Variants in REDIC1 observed in about 807,000 individuals in gnomAD.
REDIC1 encodes the protein HEI10 Interacting Protein 1.
At chr12:39,704,188 A>T in the REDIC1 span, among the ~76,000 whole-genome samples, 30 of 152,164 alleles carry the variant, frequency 2.0e-4, no homozygotes, top group African/African-American at 6.0e-4. Flanking sequence ...ACAAAGGGCT[A>T]ATATCCAGAA....
At chr12:39,851,149 C>T in the REDIC1 span, among the ~76,000 whole-genome samples, 1 of 152,128 alleles carries the variant, frequency 6.6e-6, no homozygotes, top group Non-Finnish European at 1.5e-5. Context: ...ATCCACCTGC[C>T]TTGGCCTCAC....
the REDIC1 span, among the ~76,000 whole-genome samples, chr12:39,808,212 T>C: frequency 6.6e-6 from 1 of 152,174 alleles, no homozygotes; most frequent in Non-Finnish European, 1.5e-5. Context: ...GTATATATTG[T>C]TTTGTATCTG....
the REDIC1 span, among the ~76,000 whole-genome samples, chr12:39,658,191 C>T: frequency 1.3e-5 from 2 of 152,014 alleles, no homozygotes. Context: ...AGTGATTCTC[C>T]TGCCTCAGCC....
chr12:39,699,487 CTG>C, the REDIC1 span, among the ~76,000 whole-genome samples: 1 of 152,224 alleles, frequency 6.6e-6, no homozygotes, highest in Non-Finnish European at 1.5e-5. Context: ...GCACAGCAGT[CTG>C]AGATCAAACT....
At chr12:39,828,649 T>C in the REDIC1 span, among the ~76,000 whole-genome samples, 1 of 152,044 alleles carries the variant, frequency 6.6e-6, no homozygotes, top group Admixed American at 6.5e-5. Context: ...CAGGAAACTA[T>C]GTACATTTCT....
the REDIC1 span, among the ~76,000 whole-genome samples, chr12:39,740,194 A>T: frequency 2.0e-5 from 3 of 152,366 alleles, no homozygotes; most frequent in South Asian, 6.2e-4. Context: ...CACAGCAATA[A>T]CTAGCTGATA....
chr12:39,856,296 A>G, the REDIC1 span, among the ~76,000 whole-genome samples: 1 of 152,078 alleles, frequency 6.6e-6, no homozygotes, highest in Admixed American at 6.6e-5. Flanking sequence ...CACCCAGCCA[A>G]TCAAAATCAT....
chr12:39,713,597 C>T, the REDIC1 span, among the ~76,000 whole-genome samples: 9 of 145,700 alleles, frequency 6.2e-5, no homozygotes, highest in South Asian at 2.1e-4. Flanking sequence ...TGTATAGATA[C>T]GTATATATAC....
the REDIC1 span, among the ~76,000 whole-genome samples, chr12:39,782,383 A>G: frequency 2.0e-5 from 3 of 152,068 alleles, no homozygotes; most frequent in Admixed American, 2.0e-4. Flanking sequence ...ATAGTGAGTA[A>G]GTGTCACGAA....
chr12:39,896,262 G>C, the REDIC1 span, among the ~76,000 whole-genome samples: 1 of 71,456 alleles, frequency 1.4e-5, no homozygotes, highest in Non-Finnish European at 3.1e-5. Flanking sequence ...GTATGTATAT[G>C]TGTGTATATA....
the REDIC1 span, among the ~76,000 whole-genome samples, chr12:39,857,876 C>T: frequency 6.6e-6 from 1 of 152,172 alleles, no homozygotes; most frequent in Non-Finnish European, 1.5e-5. Flanking sequence ...CCCTGAAATG[C>T]TTTTCCTTCA....
At chr12:39,631,466 T>G in the REDIC1 span, among the ~76,000 whole-genome samples, 1 of 152,200 alleles carries the variant, frequency 6.6e-6, no homozygotes, top group Non-Finnish European at 1.5e-5. Context: ...GGTTATTTTT[T>G]TTTTGTAGAA....
chr12:39,699,185 G>A, the REDIC1 span, among the ~76,000 whole-genome samples: 30 of 152,284 alleles, frequency 2.0e-4, 1 homozygote, highest in East Asian at 4.6e-3. Flanking sequence ...TCCATCTGAG[G>A]TATTGGGTTC....
the REDIC1 span, among the ~76,000 whole-genome samples, chr12:39,715,743 C>T: frequency 6.6e-6 from 1 of 151,866 alleles, no homozygotes; most frequent in East Asian, 1.9e-4. Flanking sequence ...ATGCCCTTTG[C>T]TGTACTGTTA....
At chr12:39,737,940 A>G in the REDIC1 span, among the ~76,000 whole-genome samples, 1 of 152,222 alleles carries the variant, frequency 6.6e-6, no homozygotes, top group Non-Finnish European at 1.5e-5. Context: ...CCAAAATGTG[A>G]TTAACTATGC....
At chr12:39,646,275 T>C in the REDIC1 span, 1 of 571,388 alleles carries the variant, frequency 1.8e-6, no homozygotes. Context: ...AAACAGTACT[T>C]TTACAATTTT....
the REDIC1 span, among the ~76,000 whole-genome samples, chr12:39,839,344 A>G: frequency 0.64 from 96,629 of 151,706 alleles, 30,919 homozygotes; most frequent in East Asian, 0.76. Flanking sequence ...TTAACCATGT[A>G]AGTAGGAAAC....
chr12:39,711,422 TA>T, the REDIC1 span, among the ~76,000 whole-genome samples: 3 of 123,106 alleles, frequency 2.4e-5, no homozygotes, highest in East Asian at 6.8e-4. Context: ...TATATGTACT[TA>T]TGTGTATATG....
At chr12:39,682,981 C>T in the REDIC1 span, 1 of 1,613,232 alleles carries the variant, frequency 6.2e-7, no homozygotes, top group Middle Eastern at 1.7e-4. Flanking sequence ...TTTTACAGTT[C>T]CAGAGTTGAC....
Sources: allele counts gnomAD v4.1 joint callset (sites outside exome capture counted in the v4.1 genomes callset), GRCh38; gene constraint gnomAD v4.1.1; transcripts MANE v1.5; gene names NCBI Gene and HGNC (gene_info 2026-07-23, HGNC 2026-07-21).